Variants in KCNK2 observed in about 807,000 individuals in gnomAD.
KCNK2 encodes potassium two pore domain channel subfamily K member 2, also known as potassium channel subfamily K member 2.
KCNK2 carries 21 observed loss-of-function variants against 40.5 expected under a neutral mutation model. The ratio of observed to expected loss-of-function variants is 0.52; its 90% CI spans 0.37 to 0.75. The LOEUF (loss-of-function observed/expected upper bound fraction) is 0.75, where lower values mean the gene tolerates loss of function less well. KCNK2 is among the 30% of genes least tolerant of loss of function. The probability of loss-of-function intolerance (pLI) is 0.00; values close to 1 mark genes in which losing one functional copy is unlikely to be tolerated. For missense variants in KCNK2, 399 were observed against 531.6 expected (o/e 0.75, Z 2.45); for synonymous variants, 191 against 202.2 (o/e 0.94, Z 0.47).
intron 3 of KCNK2, among the ~76,000 whole-genome samples, chr1:215,145,643 G>A (rs1490491227): frequency 6.6e-6 from 1 of 152,154 alleles, no homozygotes; most frequent in Non-Finnish European, 1.5e-5. Context: ...TACTGCTATA[G>A]TAGACTTTTA....
intron 5 of KCNK2, among the ~76,000 whole-genome samples, chr1:215,180,684 A>T (rs1571701915): frequency 6.6e-6 from 1 of 152,026 alleles, no homozygotes; most frequent in South Asian, 2.1e-4. Flanking sequence ...CTGAAAAAAA[A>T]CCCCAGTCTC....
At chr1:215,148,573 C>G (rs541213249) in intron 3 of KCNK2, among the ~76,000 whole-genome samples, 1 of 152,082 alleles carries the variant, frequency 6.6e-6, no homozygotes, top group East Asian at 1.9e-4. Flanking sequence ...AGCATATTTT[C>G]TTGCATATCT....
rs1273883925 is a variant in KCNK2 at position 215,115,691 on chromosome 1, ACTT to A, written c.358-8933_358-8931del. ...CTCCTTGCCTTTTGGTTTCTTTCTG[ACTT>A]CTTCTTCTACCTCCTTCTCTTTCAT... On this transcript the variant is annotated intron_variant, in intron 2 of 6. Coordinates refer to ENST00000444842, the MANE Select transcript of KCNK2 (RefSeq NM_001017425.3). Among the ~76,000 whole-genome samples, 19 of 151,396 alleles carry A rather than the reference ACTT, an allele frequency of 1.3e-4. No individual in the cohort carries two copies. The East Asian group carries it at 2.2e-3, about 17-fold the overall frequency.
chr1:215,076,354 A>G (rs1420591888), intron 1 of KCNK2, among the ~76,000 whole-genome samples: 1 of 152,226 alleles, frequency 6.6e-6, no homozygotes, highest in Non-Finnish European at 1.5e-5. Flanking sequence ...TTGAGGCTCA[A>G]GAATGCAGAA....
intron 1 of KCNK2, among the ~76,000 whole-genome samples, chr1:215,071,412 C>T (rs1289479450): frequency 6.6e-6 from 1 of 152,094 alleles, no homozygotes; most frequent in Non-Finnish European, 1.5e-5. Context: ...GCCTTAAAAC[C>T]CTTCAGTTGT....
At chr1:215,102,508 CTAATGT>C (rs2102552315) in intron 2 of KCNK2, among the ~76,000 whole-genome samples, 1 of 151,954 alleles carries the variant, frequency 6.6e-6, no homozygotes, top group East Asian at 1.9e-4. Context: ...TTACAGTAAG[CTAATGT>C]TAATCTGTTA....
intron 2 of KCNK2, among the ~76,000 whole-genome samples, chr1:215,107,738 G>T (rs2102558519): frequency 6.6e-6 from 1 of 151,968 alleles, no homozygotes; most frequent in Non-Finnish European, 1.5e-5. Context: ...TATATTTTGG[G>T]TATAAATCTC....
In KCNK2 at chr1:215,083,003, TGGCGGCGGCGGCGGC is replaced by T. The variant is rs902723623; in HGVS notation, c.-368_-354del. 1.3e-5 allele frequency: 2 copies of T among 154,440 alleles called. No individual in the cohort carries two copies. Among genetic ancestry groups the T allele is most frequent in the Non-Finnish European group, 2.7e-5 (2 of 73,250 alleles). The allele number at this position is 154,440 out of a possible 1,614,324, so 9.6% of individuals were successfully genotyped here. On this transcript the variant is annotated 5_prime_UTR_variant, in exon 1 of 7. Coordinates refer to ENST00000444842, the MANE Select transcript of KCNK2 (RefSeq NM_001017425.3). ...AGCGAGCAGCCCGGGGCTGAGCGCG[TGGCGGCGGCGGCGGC>T]GGCGGCGGCGGCGGGCAGGCGCGGG...
At chr1:215,123,611 G>A (rs543910328) in intron 2 of KCNK2, among the ~76,000 whole-genome samples, 1 of 152,072 alleles carries the variant, frequency 6.6e-6, no homozygotes, top group African/African-American at 2.4e-5. Flanking sequence ...TCCTTGAGTA[G>A]TACCCCGTTT....
intron 5 of KCNK2, among the ~76,000 whole-genome samples, chr1:215,184,687 A>C (rs963871850): frequency 6.6e-6 from 1 of 152,176 alleles, no homozygotes; most frequent in Non-Finnish European, 1.5e-5. Flanking sequence ...CTATCATGAG[A>C]ATAGCATGGG....
At chr1:215,186,997 T>TCTCA (rs1047037571) in intron 5 of KCNK2, among the ~76,000 whole-genome samples, 116 of 152,224 alleles carry the variant, frequency 7.6e-4, no homozygotes, top group Middle Eastern at 3.4e-3. Flanking sequence ...TGAGACAGAG[T>TCTCA]CTCACTCTGT....
At position 215,010,900 on chromosome 1, in the gene KCNK2, G is replaced by GTGTA. The variant is rs1553254964; in HGVS notation, c.34+4948_34+4949insATGT. Among the ~76,000 whole-genome samples, 1,189 of 137,722 alleles carry GTGTA rather than the reference G, an allele frequency of 8.6e-3. 6 individuals are homozygous for GTGTA. Among genetic ancestry groups the GTGTA allele is most frequent in the East Asian group, 0.015 (72 of 4,696 alleles). 90.4% of individuals were successfully genotyped at this position (137,722 alleles called of 152,430 possible). On this transcript the variant is annotated intron_variant, in intron 1 of 6. Coordinates refer to the KCNK2 transcript ENST00000391895. The stretch of plus-strand genomic sequence containing the variant: ...TGTGTGTGTGTGTGTGTGTGTGTAT[G>GTGTA]TGTGTGTATATAAACACATATATTT...
chr1:215,118,934 C>G (rs182106437), intron 2 of KCNK2, among the ~76,000 whole-genome samples: 66 of 152,102 alleles, frequency 4.3e-4, no homozygotes, highest in African/African-American at 1.5e-3. Context: ...CTGATGATAA[C>G]AGAGGAGGAA....
At chr1:215,206,069 A>G (rs1199077583) in intron 6 of KCNK2, among the ~76,000 whole-genome samples, 2 of 152,212 alleles carry the variant, frequency 1.3e-5, no homozygotes, top group Admixed American at 6.5e-5. Flanking sequence ...GCCTTTTAAG[A>G]AAACCCTTCA....
chr1:215,203,592 A>G (rs1665172485), intron 6 of KCNK2, among the ~76,000 whole-genome samples: 1 of 152,004 alleles, frequency 6.6e-6, no homozygotes, highest in African/African-American at 2.4e-5. Flanking sequence ...ATGAGTGCTT[A>G]TAGGTCTAAA....
At chr1:215,067,445 G>A (rs1256426715) in intron 1 of KCNK2, among the ~76,000 whole-genome samples, 1 of 152,116 alleles carries the variant, frequency 6.6e-6, no homozygotes, top group African/African-American at 2.4e-5. Flanking sequence ...CAAGAGGGAA[G>A]AGGGATATAA....
chr1:215,051,054 A>G (rs1657968740), intron 1 of KCNK2, among the ~76,000 whole-genome samples: 1 of 152,174 alleles, frequency 6.6e-6, no homozygotes, highest in African/African-American at 2.4e-5. Flanking sequence ...GGTTGCCTTA[A>G]TAACCTTTTG....
chr1:215,194,293 A>AT (rs994476395), intron 5 of KCNK2, among the ~76,000 whole-genome samples: 46 of 151,972 alleles, frequency 3.0e-4, no homozygotes, highest in African/African-American at 1.1e-3. Context: ...CCTTGCCAAT[A>AT]TTTTTTTTCT....
Position 215,144,024 on chromosome 1 carries a change from A to G in KCNK2, c.475+19274A>G, listed in dbSNP as rs188088582. Among the ~76,000 whole-genome samples the G allele has an allele frequency of 3.1e-4, 47 of 152,260 alleles. No individual in the cohort carries two copies. The East Asian group carries it at 8.9e-3, about 29-fold the overall frequency. ...TCTCCCAACACTTTGTTTACTTGTA[A>G]ATATTGAATTAAGTAAAGTATATCT... On this transcript the variant is annotated intron_variant, in intron 3 of 6. Coordinates refer to ENST00000444842, the MANE Select transcript of KCNK2 (RefSeq NM_001017425.3).
Sources: allele counts gnomAD v4.1 joint callset (sites outside exome capture counted in the v4.1 genomes callset), GRCh38; gene constraint gnomAD v4.1.1; transcripts MANE v1.5; gene names NCBI Gene and HGNC (gene_info 2026-07-23, HGNC 2026-07-21).